Variants in SYT16 observed in about 807,000 individuals in gnomAD.
The protein encoded by SYT16 is synaptotagmin-16.
A neutral mutation model predicts 61.4 loss-of-function variants in SYT16; 42 were observed. The ratio of observed to expected loss-of-function variants is 0.68; its 90% confidence interval spans 0.53 to 0.89. SYT16 has a LOEUF of 0.89. Among genes scored for constraint, SYT16 ranks in the 40% least tolerant of loss-of-function variants. The pLI is 0.00. For synonymous variants in SYT16, 314 were observed against 302.3 expected (o/e 1.04, Z -0.40); for missense variants, 804 against 807.3 (o/e 1.00, Z 0.05).
chr14:61,951,121 C>T (rs1458073568), intron 1 of SYT16, among the ~76,000 whole-genome samples: 1 of 152,184 alleles, frequency 6.6e-6, no homozygotes, highest in Non-Finnish European at 1.5e-5. Flanking sequence ...TCTGAAATAT[C>T]TGCAGATTTT....
At chr14:62,087,943 C>T (rs2056942694) in intron 7 of SYT16, among the ~76,000 whole-genome samples, 1 of 152,158 alleles carries the variant, frequency 6.6e-6, no homozygotes, top group East Asian at 1.9e-4. Context: ...CTCCACTGCA[C>T]AGCCCCCAGC....
intron 3 of SYT16, among the ~76,000 whole-genome samples, chr14:62,019,574 A>G (rs1433675827): frequency 6.6e-6 from 1 of 152,178 alleles, no homozygotes; most frequent in Admixed American, 6.5e-5. Flanking sequence ...GTTTTCACAT[A>G]TTGCTGTACT....
At chr14:61,838,755 A>G (rs1254339007) in intron 1 of SYT16, among the ~76,000 whole-genome samples, 1 of 152,228 alleles carries the variant, frequency 6.6e-6, no homozygotes, top group Non-Finnish European at 1.5e-5. Context: ...AACTCCAAAC[A>G]TAAAGTTGTC....
chr14:62,090,901 G>T (rs957345374), intron 7 of SYT16, among the ~76,000 whole-genome samples: 1 of 152,106 alleles, frequency 6.6e-6, no homozygotes, highest in African/African-American at 2.4e-5. Context: ...GAGAACTTGT[G>T]CAGGGAACCT....
intron 3 of SYT16, 53 bp from the exon 4 acceptor site, chr14:62,069,550 G>A (rs2056208195): frequency 1.3e-6 from 2 of 1,529,094 alleles, no homozygotes; most frequent in Admixed American, 3.4e-5. Context: ...GTCTATCTCT[G>A]TATTCGAGCA....
intron 3 of SYT16, among the ~76,000 whole-genome samples, chr14:62,059,103 G>C (rs550904082): frequency 6.6e-6 from 1 of 152,128 alleles, no homozygotes; most frequent in South Asian, 2.1e-4. Context: ...AGAGGATCAG[G>C]AAAAATAACT....
chr14:61,920,124 T>C (rs955235645), intron 1 of SYT16, among the ~76,000 whole-genome samples: 7 of 152,196 alleles, frequency 4.6e-5, no homozygotes, highest in African/African-American at 1.7e-4. Flanking sequence ...CTTTGGCCTC[T>C]TATTCATCTG....
At chr14:62,014,262 T>A (rs1340744403) in intron 3 of SYT16, among the ~76,000 whole-genome samples, 1 of 152,186 alleles carries the variant, frequency 6.6e-6, no homozygotes, top group East Asian at 1.9e-4. Context: ...CATCTTCCTT[T>A]CTTAGTTATG....
intron 1 of SYT16, among the ~76,000 whole-genome samples, chr14:61,924,811 C>T (rs777101939): frequency 9.9e-5 from 15 of 152,134 alleles, no homozygotes; most frequent in Non-Finnish European, 2.1e-4. Flanking sequence ...TAAATTCAGC[C>T]ACAAGTGACA....
intron 5 of SYT16, among the ~76,000 whole-genome samples, chr14:62,078,155 C>CTCTCTCTCTATATATATA (rs766089633): frequency 1.6e-4 from 22 of 136,002 alleles, no homozygotes; most frequent in African/African-American, 6.3e-4. Flanking sequence ...CTCTCTCTCT[C>CTCTCTCTCTATATATATA]TATATATATA....
intron 1 of SYT16, among the ~76,000 whole-genome samples, chr14:61,816,094 C>T (rs1031700370): frequency 2.0e-5 from 3 of 152,148 alleles, no homozygotes; most frequent in Non-Finnish European, 2.9e-5. Context: ...CATCTGTCCC[C>T]GTTTGGGTGC....
At chr14:62,097,416 G>A (rs1438567348) in intron 7 of SYT16, among the ~76,000 whole-genome samples, 6 of 152,108 alleles carry the variant, frequency 3.9e-5, no homozygotes, top group Admixed American at 2.0e-4. Flanking sequence ...TTATTTAAAT[G>A]GCATATTTAC....
chr14:62,051,194 C>G (rs8011510), intron 3 of SYT16, among the ~76,000 whole-genome samples: 25,428 of 152,260 alleles, frequency 0.17, 2,376 homozygotes, highest in South Asian at 0.29. Flanking sequence ...CCCAGCCTCA[C>G]TGCTGCCTTG....
chr14:61,985,499 G>A (rs1052016198), intron 2 of SYT16, among the ~76,000 whole-genome samples: 3 of 152,148 alleles, frequency 2.0e-5, no homozygotes, highest in Non-Finnish European at 4.4e-5. Context: ...TCATCCCAGA[G>A]TGGGGACCAG....
At chr14:62,094,012 G>A (rs1029449727) in intron 7 of SYT16, among the ~76,000 whole-genome samples, 1 of 152,118 alleles carries the variant, frequency 6.6e-6, no homozygotes, top group African/African-American at 2.4e-5. Flanking sequence ...GACCTCCATT[G>A]TTGGCATGGA....
At chr14:61,905,424 A>G (rs141798678) in intron 1 of SYT16, among the ~76,000 whole-genome samples, 19 of 152,352 alleles carry the variant, frequency 1.2e-4, no homozygotes, top group Non-Finnish European at 2.4e-4. Flanking sequence ...CCAAACTATT[A>G]TATTGCGGAG....
rs189810404 is a variant in SYT16 at position 61,858,685 on chromosome 14, C to T, written c.-325+45875C>T. Among the ~76,000 whole-genome samples, 127 of 152,218 alleles carry T rather than the reference C, an allele frequency of 8.3e-4. 1 individual carries two copies. Among genetic ancestry groups the T allele is most frequent in the Non-Finnish European group, 1.2e-3 (84 of 68,018 alleles). On this transcript the variant is annotated intron_variant, in intron 1 of 7. Coordinates refer to ENST00000683842, the MANE Select transcript of SYT16 (RefSeq NM_001367656.1). ...CGTGAACTTGTGATAGGAAACGTGT[C>T]CTTCCATAAGTTTCTTCTCAAGAAT...
chr14:61,817,187 C>T (rs1032704332), intron 1 of SYT16, among the ~76,000 whole-genome samples: 1 of 151,696 alleles, frequency 6.6e-6, no homozygotes, highest in Non-Finnish European at 1.5e-5. Context: ...GAGGCCGAGG[C>T]GGGTGGATCG....
At chr14:61,891,192 A>G (rs2048111305) in intron 1 of SYT16, among the ~76,000 whole-genome samples, 1 of 151,438 alleles carries the variant, frequency 6.6e-6, no homozygotes, top group South Asian at 2.1e-4. Context: ...CCTTTAATTT[A>G]TCTTTTGGTC....
Sources: allele counts gnomAD v4.1 joint callset (sites outside exome capture counted in the v4.1 genomes callset), GRCh38; gene constraint gnomAD v4.1.1; transcripts MANE v1.5; gene names NCBI Gene and HGNC (gene_info 2026-07-23, HGNC 2026-07-21).